NOX4: variants seen among roughly 807,000 people sequenced by gnomAD.
The protein encoded by NOX4 is NADPH oxidase 4.
A neutral mutation model predicts 87.6 loss-of-function variants in NOX4; 69 were observed. The ratio of observed to expected loss-of-function variants is 0.79; its 90% CI spans 0.65 to 0.96. NOX4 has a LOEUF of 0.96. Ranked by LOEUF, NOX4 falls within the 40% of genes least tolerant of loss-of-function variation. NOX4 has a pLI of 0.00. For synonymous variants in NOX4, 275 were observed against 238.2 expected (o/e 1.15, Z -1.42); for missense variants, 680 against 681.5 (o/e 1.00, Z 0.02).
chr11:89,539,767 A>G, the NOX4 span, among the ~76,000 whole-genome samples: 1 of 152,170 alleles, frequency 6.6e-6, no homozygotes, highest in Non-Finnish European at 1.5e-5. Flanking sequence ...GCATAGTAGT[A>G]TTCTGGAGTA....
intron 6 of NOX4, among the ~76,000 whole-genome samples, chr11:89,433,866 A>ATAT (rs1331250647): frequency 2.4e-4 from 37 of 152,216 alleles, no homozygotes; most frequent in African/African-American, 8.7e-4. Flanking sequence ...TGAATAGCTA[A>ATAT]CTGAAAAACA....
the NOX4 span, among the ~76,000 whole-genome samples, chr11:89,552,457 A>T: frequency 6.6e-6 from 1 of 152,034 alleles, no homozygotes; most frequent in African/African-American, 2.4e-5. Context: ...TATTATGGAA[A>T]CCTTATAATT....
chr11:89,485,725 C>T (rs1253410147), intron 2 of NOX4, among the ~76,000 whole-genome samples: 2 of 152,216 alleles, frequency 1.3e-5, no homozygotes, highest in East Asian at 3.9e-4. Context: ...CTTAAGCAAT[C>T]AATGAAGTGA....
intron 13 of NOX4, among the ~76,000 whole-genome samples, chr11:89,353,641 AACCC>A (rs1026125005): frequency 6.6e-6 from 1 of 152,118 alleles, no homozygotes; most frequent in Non-Finnish European, 1.5e-5. Context: ...CCTAGAATCA[AACCC>A]ACAATATCTC....
chr11:89,424,636 A>G (rs921841225), intron 7 of NOX4, among the ~76,000 whole-genome samples: 16 of 151,860 alleles, frequency 1.1e-4, no homozygotes, highest in African/African-American at 3.9e-4. Context: ...TACTCTGATT[A>G]TTTTAAGTCA....
intron 2 of NOX4, among the ~76,000 whole-genome samples, chr11:89,452,796 C>T (rs532351422): frequency 2.4e-4 from 36 of 152,146 alleles, no homozygotes; most frequent in Admixed American, 2.4e-3. Flanking sequence ...CTCACTGCAG[C>T]CCCTTCCTCC....
intron 8 of NOX4, among the ~76,000 whole-genome samples, chr11:89,419,730 T>C (rs1942986730): frequency 6.6e-6 from 1 of 151,816 alleles, no homozygotes; most frequent in Non-Finnish European, 1.5e-5. Flanking sequence ...AAAGTAAAAA[T>C]CAAAATTTAA....
At chr11:89,502,824 G>GA (rs1167209286), upstream of NOX4, among the ~76,000 whole-genome samples, 1 of 151,986 alleles carries the variant, frequency 6.6e-6, no homozygotes, top group Admixed American at 6.6e-5. Flanking sequence ...ACTTTGTAAT[G>GA]AATCCATATT....
At chr11:89,459,282 A>C (rs1010802971) in intron 2 of NOX4, among the ~76,000 whole-genome samples, 1 of 152,110 alleles carries the variant, frequency 6.6e-6, no homozygotes, top group Non-Finnish European at 1.5e-5. Context: ...AACAACAGAC[A>C]CAGGGGTCTA....
chr11:89,569,909 G>A, the NOX4 span, among the ~76,000 whole-genome samples: 1 of 151,648 alleles, frequency 6.6e-6, no homozygotes, highest in Non-Finnish European at 1.5e-5. Context: ...GGCTGAGGCA[G>A]GAGAATGGCA....
chr11:89,341,122 A>G (rs929957754), intron 14 of NOX4, among the ~76,000 whole-genome samples: 4 of 125,720 alleles, frequency 3.2e-5, no homozygotes, highest in East Asian at 2.3e-4. Context: ...AGACAATTTC[A>G]CCTTTTTTTT....
chr11:89,393,357 G>A (rs545128667), intron 11 of NOX4, among the ~76,000 whole-genome samples: 6 of 151,954 alleles, frequency 3.9e-5, no homozygotes, highest in Admixed American at 3.9e-4. Context: ...TTTCTAGACT[G>A]GTCTCATTGT....
At chr11:89,485,573 A>G (rs1334565223) in intron 2 of NOX4, among the ~76,000 whole-genome samples, 1 of 152,132 alleles carries the variant, frequency 6.6e-6, no homozygotes, top group African/African-American at 2.4e-5. Context: ...TGGTGTTTTG[A>G]GTTAAACTGC....
intron 11 of NOX4, among the ~76,000 whole-genome samples, chr11:89,392,775 T>C (rs1433215735): frequency 1.3e-5 from 2 of 152,182 alleles, no homozygotes; most frequent in South Asian, 2.1e-4. Flanking sequence ...CTACATGACA[T>C]GAAAGTATTC....
intron 8 of NOX4, among the ~76,000 whole-genome samples, chr11:89,420,167 T>C (rs1565264968): frequency 6.6e-6 from 1 of 152,174 alleles, no homozygotes; most frequent in Non-Finnish European, 1.5e-5. Flanking sequence ...TTCAACAAGC[T>C]GCTTAATCTT....
intron 11 of NOX4, among the ~76,000 whole-genome samples, chr11:89,387,379 G>C (rs951372057): frequency 4.6e-5 from 7 of 151,890 alleles, no homozygotes; most frequent in African/African-American, 1.7e-4. Flanking sequence ...GCCCGCCAGA[G>C]AACAACCACC....
At chr11:89,569,585 C>T in the NOX4 span, among the ~76,000 whole-genome samples, 1 of 152,140 alleles carries the variant, frequency 6.6e-6, no homozygotes, top group Non-Finnish European at 1.5e-5. Context: ...AATGCTTATA[C>T]ACTGCTAGCA....
intron 5 of NOX4, among the ~76,000 whole-genome samples, chr11:89,442,247 T>C (rs755908482): frequency 1.8e-4 from 28 of 151,412 alleles, no homozygotes; most frequent in Non-Finnish European, 3.5e-4. Context: ...TCCCTTAGAT[T>C]GGGAAAAAAA....
chr11:89,438,446 T>C lies in NOX4; in HGVS notation c.475+2242A>G, dbSNP rs530358950. ...TATAATATAATATATACTATGTATATTATATAATATACAGCATATATATTA... is the reference window on the plus strand; with the variant it reads ...TATAATATAATATATACTATGTATACTATATAATATACAGCATATATATTA... On this transcript the variant is annotated intron_variant, in intron 6 of 17. Transcript: ENST00000263317. Among the ~76,000 whole-genome samples the C allele has an allele frequency of 3.5e-3, 348 of 99,452 alleles. 1 individual carries two copies. Among genetic ancestry groups the C allele is most frequent in the Non-Finnish European group, 4.9e-3 (289 of 58,522 alleles). The allele number at this position is 99,452 out of a possible 152,430, so 65.2% of individuals were successfully genotyped here.
Sources: allele counts gnomAD v4.1 joint callset (sites outside exome capture counted in the v4.1 genomes callset), GRCh38; gene constraint gnomAD v4.1.1; transcripts MANE v1.5; gene names NCBI Gene and HGNC (gene_info 2026-07-23, HGNC 2026-07-21).